The following PLPPR1 variants were observed in gnomAD, a reference collection of about 807,000 sequenced individuals.
The protein encoded by PLPPR1 is phospholipid phosphatase-related protein type 1.
Under a neutral mutation model 33.1 loss-of-function variants are expected in PLPPR1, and 10 were observed. That is an observed-to-expected ratio of 0.30 (90% CI 0.19 to 0.51). The LOEUF is 0.51. Ranked by LOEUF, PLPPR1 falls within the 20% of genes least tolerant of loss-of-function variation. The probability of loss-of-function intolerance (pLI) is 0.97; values close to 1 mark genes in which losing one functional copy is unlikely to be tolerated. For synonymous variants in PLPPR1, 151 were observed against 151.0 expected, an observed-to-expected ratio of 1.00 and a Z score of 0.00; for missense variants, 304 against 408.1, an observed-to-expected ratio of 0.74 and a Z score of 2.20.
chr9:101,312,521 T>C (rs1447349535), intron 5 of PLPPR1, among the ~76,000 whole-genome samples: 2 of 152,234 alleles, frequency 1.3e-5, no homozygotes, highest in Non-Finnish European at 2.9e-5. Flanking sequence ...TAATCGTTAA[T>C]GCGTTCTTTG....
intron 4 of PLPPR1, among the ~76,000 whole-genome samples, chr9:101,301,119 T>A (rs915122284): frequency 2.0e-5 from 3 of 152,244 alleles, no homozygotes; most frequent in Non-Finnish European, 4.4e-5. Context: ...TCATCATCTT[T>A]ATTAAGTAAT....
chr9:101,076,657 C>G (rs1830540560), intron 1 of PLPPR1, among the ~76,000 whole-genome samples: 1 of 152,116 alleles, frequency 6.6e-6, no homozygotes, highest in Non-Finnish European at 1.5e-5. Context: ...GGCAGATTTT[C>G]TAGTTGAAAT....
intron 1 of PLPPR1, among the ~76,000 whole-genome samples, chr9:101,136,647 C>T (rs1831380976): frequency 6.6e-6 from 1 of 152,116 alleles, no homozygotes; most frequent in African/African-American, 2.4e-5. Context: ...TGTGTGTTTA[C>T]TTTTAAGAAC....
chr9:101,090,420 G>T (rs1830727383), intron 1 of PLPPR1, among the ~76,000 whole-genome samples: 1 of 152,106 alleles, frequency 6.6e-6, no homozygotes, highest in Admixed American at 6.6e-5. Context: ...CATGTTTGCT[G>T]ATTTAAAGAT....
At chr9:101,266,155 G>A (rs1347436189) in intron 2 of PLPPR1, among the ~76,000 whole-genome samples, 2 of 151,980 alleles carry the variant, frequency 1.3e-5, no homozygotes, top group Admixed American at 6.6e-5. Flanking sequence ...GGCCGGGCGC[G>A]GTGGCTCACG....
chr9:101,286,232 C>G lies in PLPPR1; in HGVS notation c.381C>G (p.Phe127Leu). 1 of 1,613,540 alleles carries G rather than the reference C, an allele frequency of 6.2e-7. No homozygotes were observed. Among genetic ancestry groups the G allele is most frequent in the Non-Finnish European group, 8.5e-7 (1 of 1,179,664 alleles). ...CCTTACTTCGAAGGATCATAAGATT[C>G]ACAGGTGAGTACAAGATGGTGCTGA... ...LNPLLRRIIR[F>L]TGVFAFGLFA... Residue 127 changes from phenylalanine (F) to leucine (L), a missense_variant, in exon 4 of 8, where the codon TTC becomes TTG. By Grantham distance (22) the Phe-to-Leu change is conservative. Coordinates refer to ENST00000374874, the MANE Select transcript of PLPPR1 (RefSeq NM_207299.2).
intron 2 of PLPPR1, among the ~76,000 whole-genome samples, chr9:101,235,136 G>T (rs1030159544): frequency 1.7e-4 from 26 of 151,904 alleles, no homozygotes; most frequent in African/African-American, 6.3e-4. Context: ...AAAATTGTGG[G>T]TCTTGTGTGT....
At chr9:101,280,516 T>C (rs918280395) in intron 3 of PLPPR1, among the ~76,000 whole-genome samples, 1 of 152,092 alleles carries the variant, frequency 6.6e-6, no homozygotes. Context: ...ATATCCCTAA[T>C]GAACATGGTT....
At chr9:101,221,339 AGT>A (rs1826933602) in intron 2 of PLPPR1, among the ~76,000 whole-genome samples, 1 of 152,132 alleles carries the variant, frequency 6.6e-6, no homozygotes, top group African/African-American at 2.4e-5. Context: ...CCTTGAGATA[AGT>A]GTCCAGGGAC....
At chr9:101,248,000 A>G (rs1827645778) in intron 2 of PLPPR1, among the ~76,000 whole-genome samples, 1 of 152,026 alleles carries the variant, frequency 6.6e-6, no homozygotes, top group South Asian at 2.1e-4. Context: ...AGGGTGGCCT[A>G]AGACTGGGTG....
intron 1 of PLPPR1, among the ~76,000 whole-genome samples, chr9:101,091,719 G>A (rs980087933): frequency 1.2e-4 from 19 of 152,070 alleles, no homozygotes; most frequent in East Asian, 3.9e-4. Flanking sequence ...CTGGGGATTC[G>A]TCCAGGGACA....
chr9:101,321,734 T>A (rs1464445893), intron 7 of PLPPR1, among the ~76,000 whole-genome samples: 3 of 148,430 alleles, frequency 2.0e-5, no homozygotes, highest in Non-Finnish European at 4.5e-5. Flanking sequence ...GGGAAAAATA[T>A]ATATAATTAT....
At chr9:101,306,631 C>G (rs1339061130) in intron 4 of PLPPR1, among the ~76,000 whole-genome samples, 1 of 152,218 alleles carries the variant, frequency 6.6e-6, no homozygotes, top group Non-Finnish European at 1.5e-5. Flanking sequence ...TTGGCTTTGG[C>G]TTCTCTGAAG....
chr9:101,043,405 A>G (rs1164067880), intron 1 of PLPPR1, among the ~76,000 whole-genome samples: 1 of 151,412 alleles, frequency 6.6e-6, no homozygotes, highest in Non-Finnish European at 1.5e-5. Context: ...ATATATACAT[A>G]TGTATGTGTG....
intron 2 of PLPPR1, among the ~76,000 whole-genome samples, chr9:101,186,754 C>G (rs1826211288): frequency 6.6e-6 from 1 of 151,760 alleles, no homozygotes; most frequent in Admixed American, 6.6e-5. Flanking sequence ...TTGCTTGGTA[C>G]TTTTAGATGA....
Position 101,309,298 on chromosome 9 carries a change from C to CTGTG in PLPPR1, c.476_479dup (p.Lys161ValfsTer90). The CTGTG allele has an allele frequency of 6.2e-7, 1 of 1,614,212 alleles. No individual in the cohort carries two copies. The highest frequency in any genetic ancestry group is 8.5e-7 in the Non-Finnish European group (1 of 1,180,034). On this transcript the variant is annotated frameshift_variant, in exon 5 of 8. Coordinates refer to ENST00000374874, the MANE Select transcript of PLPPR1 (RefSeq NM_207299.2). LOFTEE classifies it high-confidence loss of function. Reference sequence around the variant, plus strand: ...GGGCACTTAACGCCATACTTCCTGACTGTGTGCAAGCCAAACTACACCAGT... The same window carrying CTGTG: ...GGGCACTTAACGCCATACTTCCTGACTGTGTGTGTGCAAGCCAAACTACACCAGT...
chr9:101,305,884 C>A (rs972048875), intron 4 of PLPPR1, among the ~76,000 whole-genome samples: 1 of 152,200 alleles, frequency 6.6e-6, no homozygotes, highest in African/African-American at 2.4e-5. Flanking sequence ...AAGATCCTAA[C>A]TTGTCCAAAG....
intron 1 of PLPPR1, among the ~76,000 whole-genome samples, chr9:101,051,075 G>A (rs531244013): frequency 9.9e-5 from 15 of 152,096 alleles, no homozygotes; most frequent in South Asian, 6.2e-4. Flanking sequence ...CTTTTCCAGC[G>A]TATCTCACTC....
chr9:101,268,464 AAAATT>A (rs757511867), intron 2 of PLPPR1, among the ~76,000 whole-genome samples: 19 of 152,138 alleles, frequency 1.2e-4, no homozygotes, highest in Non-Finnish European at 2.6e-4. Flanking sequence ...GAGGATGCCA[AAAATT>A]GCCTCTCTGT....
Sources: allele counts gnomAD v4.1 joint callset (sites outside exome capture counted in the v4.1 genomes callset), GRCh38; gene constraint gnomAD v4.1.1; transcripts MANE v1.5; gene names NCBI Gene and HGNC (gene_info 2026-07-23, HGNC 2026-07-21).